The following IL1RAPL2 variants were observed in gnomAD, a reference collection of about 807,000 sequenced individuals.
The protein encoded by IL1RAPL2 is interleukin 1 receptor accessory protein like 2.
Under a neutral mutation model 44.1 loss-of-function variants are expected in IL1RAPL2, and 3 were observed. The ratio of observed to expected loss-of-function variants is 0.07; its 90% CI spans 0.03 to 0.18. The LOEUF (loss-of-function observed/expected upper bound fraction) is 0.18, where lower values mean the gene tolerates loss of function less well. Ranked by LOEUF, IL1RAPL2 falls within the 10% of genes least tolerant of loss-of-function variation. IL1RAPL2 has a pLI of 1.00. For synonymous variants in IL1RAPL2, 181 were observed against 178.8 expected (o/e 1.01, Z -0.10); for missense variants, 391 against 496.4 (o/e 0.79, Z 2.02).
intron 2 of IL1RAPL2, among the ~76,000 whole-genome samples, chrX:104,949,810 A>C (rs1229389469): frequency 5.4e-5 from 6 of 111,173 alleles, no homozygotes; most frequent in East Asian, 2.8e-4. Context: ...CTGTTCTTTT[A>C]CATTTGCTGA....
At chrX:105,183,251 G>A (rs2033552098) in intron 2 of IL1RAPL2, among the ~76,000 whole-genome samples, 1 of 111,128 alleles carries the variant, frequency 9.0e-6, no homozygotes, top group South Asian at 3.8e-4. Context: ...TAGGCGGGGG[G>A]GCAATGGTTG....
intron 1 of IL1RAPL2, among the ~76,000 whole-genome samples, chrX:104,588,206 A>G (rs192413488): frequency 1.8e-5 from 2 of 111,131 alleles, no homozygotes; most frequent in African/African-American, 6.5e-5. Context: ...TGACTTAATG[A>G]CTGCACTCCC....
At chrX:105,107,409 T>G (rs899407747) in intron 2 of IL1RAPL2, among the ~76,000 whole-genome samples, 1 of 111,992 alleles carries the variant, frequency 8.9e-6, no homozygotes, top group Non-Finnish European at 1.9e-5. Flanking sequence ...AACTAGAAAA[T>G]AGGAAAACAG....
At chrX:105,045,414 G>A (rs933343603) in intron 2 of IL1RAPL2, among the ~76,000 whole-genome samples, 1 of 112,005 alleles carries the variant, frequency 8.9e-6, no homozygotes, top group African/African-American at 3.2e-5. Context: ...TGTATGTGGA[G>A]GCAAACATCA....
At chrX:105,045,794 C>T (rs1405478830) in intron 2 of IL1RAPL2, among the ~76,000 whole-genome samples, 4 of 110,963 alleles carry the variant, frequency 3.6e-5, no homozygotes, top group African/African-American at 1.3e-4. Context: ...AACTCCTGGC[C>T]TCAAGAAATC....
intron 2 of IL1RAPL2, among the ~76,000 whole-genome samples, chrX:105,022,299 T>G (rs2031295560): frequency 9.0e-6 from 1 of 111,201 alleles, no homozygotes; most frequent in Admixed American, 9.6e-5. Context: ...AATGTGACTG[T>G]TTCCAAACAA....
At chrX:105,584,251 TGTTA>T (rs752305366) in intron 6 of IL1RAPL2, among the ~76,000 whole-genome samples, 1 of 111,946 alleles carries the variant, frequency 8.9e-6, no homozygotes, top group African/African-American at 3.2e-5. Context: ...TTTTCCATTC[TGTTA>T]GTTTTTACTT....
At chrX:105,610,553 G>A (rs1267250488) in intron 6 of IL1RAPL2, among the ~76,000 whole-genome samples, 1 of 111,506 alleles carries the variant, frequency 9.0e-6, no homozygotes, top group Non-Finnish European at 1.9e-5. Context: ...TATAAGTCAT[G>A]CACTATATAA....
At chrX:104,901,693 C>A (rs756702829) in intron 2 of IL1RAPL2, among the ~76,000 whole-genome samples, 22 of 111,261 alleles carry the variant, frequency 2.0e-4, no homozygotes, top group Admixed American at 1.5e-3. Context: ...GACATTGAAA[C>A]AAGAAAGACC....
At chrX:105,017,379 G>A (rs897540578) in intron 2 of IL1RAPL2, among the ~76,000 whole-genome samples, 6 of 110,966 alleles carry the variant, frequency 5.4e-5, no homozygotes, top group Non-Finnish European at 7.6e-5. Flanking sequence ...TTTATTAACT[G>A]AAAATTAACT....
intron 6 of IL1RAPL2, among the ~76,000 whole-genome samples, chrX:105,674,437 A>G (rs1384465696): frequency 8.9e-6 from 1 of 112,040 alleles, no homozygotes; most frequent in Non-Finnish European, 1.9e-5. Context: ...TTATTTCCCC[A>G]TTGCTTCTTT....
intron 4 of IL1RAPL2, among the ~76,000 whole-genome samples, chrX:105,238,916 C>T (rs782021425): frequency 9.0e-6 from 1 of 111,447 alleles, no homozygotes; most frequent in Non-Finnish European, 1.9e-5. Flanking sequence ...CTTGAGATGG[C>T]TGAATGCAAA....
At chrX:104,582,822 CTCTTTCTTTCTT>C (rs778392028) in intron 1 of IL1RAPL2, among the ~76,000 whole-genome samples, 218 of 40,652 alleles carry the variant, frequency 5.4e-3, no homozygotes, top group African/African-American at 0.018. Flanking sequence ...TCCTTTCTTT[CTCTTTCTTTCTT>C]TCTTTCTTTC....
chrX:105,702,391 C>T (rs2038126959), intron 6 of IL1RAPL2, among the ~76,000 whole-genome samples: 1 of 111,471 alleles, frequency 9.0e-6, no homozygotes, highest in Admixed American at 9.6e-5. Flanking sequence ...AAGCATATGT[C>T]CTGCCCTCAC....
At chrX:105,665,349 G>GTGTT (rs1556377833) in intron 6 of IL1RAPL2, among the ~76,000 whole-genome samples, 1 of 108,211 alleles carries the variant, frequency 9.2e-6, no homozygotes, top group African/African-American at 3.4e-5. Flanking sequence ...GCGTGCGTGT[G>GTGTT]TGTGTGTGTG....
At chrX:105,281,036 A>G (rs1174713789) in intron 5 of IL1RAPL2, among the ~76,000 whole-genome samples, 2 of 112,037 alleles carry the variant, frequency 1.8e-5, no homozygotes, top group African/African-American at 6.5e-5. Context: ...ATGTCCAGCA[A>G]TGATAGACTG....
intron 2 of IL1RAPL2, among the ~76,000 whole-genome samples, chrX:104,893,830 T>A (rs1333646229): frequency 3.6e-5 from 4 of 111,812 alleles, no homozygotes; most frequent in African/African-American, 1.3e-4. Context: ...CCTGTCATTA[T>A]GATGTTAGCT....
chrX:104,916,080 A>C (rs1320217729), intron 2 of IL1RAPL2, among the ~76,000 whole-genome samples: 2 of 111,491 alleles, frequency 1.8e-5, no homozygotes, highest in African/African-American at 3.3e-5. Flanking sequence ...ATGAACTTTA[A>C]AGTAGTTTTT....
chrX:104,911,250 C>T (rs1161952346), intron 2 of IL1RAPL2, among the ~76,000 whole-genome samples: 1 of 111,735 alleles, frequency 8.9e-6, no homozygotes, highest in Non-Finnish European at 1.9e-5. Flanking sequence ...TTCCAAATTA[C>T]ATTAACAATT....
Sources: allele counts gnomAD v4.1 joint callset (sites outside exome capture counted in the v4.1 genomes callset), GRCh38; gene constraint gnomAD v4.1.1; transcripts MANE v1.5; gene names NCBI Gene and HGNC (gene_info 2026-07-23, HGNC 2026-07-21).